Variants in SDS observed in about 807,000 individuals in gnomAD.
SDS encodes serine dehydratase.
Under a neutral mutation model 29.3 loss-of-function variants are expected in SDS, and 19 were observed. That is an observed-to-expected ratio of 0.65 (90% CI 0.45 to 0.95). The LOEUF (loss-of-function observed/expected upper bound fraction) is 0.95. SDS is among the 40% of genes least tolerant of loss of function. The probability of loss-of-function intolerance (pLI) is 0.00; values close to 1 mark genes in which losing one functional copy is unlikely to be tolerated. For synonymous variants in SDS, 176 were observed against 189.0 expected (o/e 0.93, Z 0.56); for missense variants, 375 against 439.9 (o/e 0.85, Z 1.32).
At chr12:113,400,315 G>A (rs1218462799) in intron 1 of SDS, among the ~76,000 whole-genome samples, 1 of 151,246 alleles carries the variant, frequency 6.6e-6, no homozygotes, top group African/African-American at 2.4e-5. Flanking sequence ...AAAAGAAGAA[G>A]AAAGAGAATT....
chr12:113,400,385 A>G (rs920704678), intron 1 of SDS, among the ~76,000 whole-genome samples: 1 of 152,122 alleles, frequency 6.6e-6, no homozygotes, highest in Admixed American at 6.5e-5. Flanking sequence ...AGGGAGGAGC[A>G]TCACTTGAAC....
intron 5 of SDS, among the ~76,000 whole-genome samples, chr12:113,397,672 G>A (rs1957656451): frequency 6.6e-6 from 1 of 152,176 alleles, no homozygotes; most frequent in African/African-American, 2.4e-5. Context: ...CTTCTCCCAG[G>A]GGGCGGGAAA....
chr12:113,396,989 A>T, intron 6 of SDS, 176 bp downstream of exon 6: 1 of 614,866 alleles, frequency 1.6e-6, no homozygotes, highest in South Asian at 1.9e-5. Flanking sequence ...AGTCACACAG[A>T]CTTGGGTTTG....
Position 113,392,889 on chromosome 12 carries a change from C to T in SDS, c.*52G>A. On this transcript the variant is annotated 3_prime_UTR_variant, in exon 8 of 8. Transcript: ENST00000257549. ...CGAGGCGCTGGATAAAACTCCAGCC[C>T]CTCCAGGGGTCTCTTGGGCTAGGAG... is the stretch of plus-strand genomic sequence containing the variant. 6.5e-7 allele frequency: 1 copy of T among 1,547,362 alleles called. No individual in the cohort carries two copies. Among genetic ancestry groups the T allele is most frequent in the Non-Finnish European group, 8.9e-7 (1 of 1,127,328 alleles).
intron 1 of SDS, among the ~76,000 whole-genome samples, chr12:113,402,772 G>T (rs533394452): frequency 7.9e-5 from 12 of 152,268 alleles, no homozygotes; most frequent in African/African-American, 2.9e-4. Flanking sequence ...TCCCTCTGCC[G>T]CGGCTTTCCG....
Position 113,403,555 on chromosome 12 carries a change from G to C in SDS, c.-3+213C>G, listed in dbSNP as rs928998517. Reference sequence around the variant, plus strand: ...AAAAAAATTTTTTTTGTAGAGATTGGGGGGGGTCTCACTCTGTTGCCCAGC... The same window carrying C: ...AAAAAAATTTTTTTTGTAGAGATTGCGGGGGGTCTCACTCTGTTGCCCAGC... On this transcript the variant is annotated intron_variant, in intron 1 of 7. Coordinates refer to ENST00000257549, the MANE Select transcript of SDS (RefSeq NM_006843.3). Among the ~76,000 whole-genome samples, 30 of 152,020 alleles carry C rather than the reference G, an allele frequency of 2.0e-4. 1 individual carries two copies. Among genetic ancestry groups the C allele is most frequent in the African/African-American group, 5.1e-4 (21 of 41,458 alleles).
intron 1 of SDS, among the ~76,000 whole-genome samples, chr12:113,400,474 A>G (rs563348162): frequency 6.4e-4 from 95 of 148,646 alleles, no homozygotes; most frequent in African/African-American, 2.3e-3. Flanking sequence ...CTGTGTCTCA[A>G]AAAAAAAAAA....
At chr12:113,393,196 G>T (rs1333784431) in intron 7 of SDS, 47 bp from the exon 8 acceptor site, 2 of 1,570,322 alleles carry the variant, frequency 1.3e-6, no homozygotes, top group African/African-American at 2.7e-5. Flanking sequence ...GTTTCCCAGG[G>T]TGCACAGGAG....
rs771623291 is a variant in SDS, at chr12:113,397,338, C to T, written c.480G>A (p.Pro160=). 24 of 1,613,574 alleles carry T rather than the reference C, an allele frequency of 1.5e-5. No homozygotes were observed. The highest frequency in any genetic ancestry group is 5.5e-5 in the South Asian group (5 of 91,062). The change falls in exon 6 of 8, where the codon CCG becomes CCA. Residue 160 remains proline, a synonymous_variant. Coordinates refer to ENST00000257549, the MANE Select transcript of SDS (RefSeq NM_006843.3). ...KELKETLWEK[P]GAIALSVGGG... is the part of the protein sequence containing the mutation. ...CGCCCACTGACAGCGCGATGGCCCC[C>T]GGCTTTTCCCACAGTGTCTCCTTCA...
intron 6 of SDS, among the ~76,000 whole-genome samples, chr12:113,394,358 T>C (rs1957632539): frequency 6.6e-6 from 1 of 150,898 alleles, no homozygotes; most frequent in East Asian, 1.9e-4. Flanking sequence ...TTTTTTTTTT[T>C]AGACGGAGTC....
At chr12:113,394,343 G>GTTTTTTTTT (rs565900434) in intron 6 of SDS, among the ~76,000 whole-genome samples, 1 of 132,106 alleles carries the variant, frequency 7.6e-6, no homozygotes, top group African/African-American at 2.9e-5. Flanking sequence ...TTGTTTTTTT[G>GTTTTTTTTT]TTTTTTTTTT....
At chr12:113,398,883 G>T in intron 3 of SDS, 37 bp from the exon 4 acceptor site, 1 of 1,564,720 alleles carries the variant, frequency 6.4e-7, no homozygotes, top group Non-Finnish European at 8.7e-7. Context: ...GTCAGTGCGG[G>T]AGCATCTGGG....
Position 113,398,584 on chromosome 12 carries a change from A to G in SDS, c.356T>C (p.Leu119Pro), listed in dbSNP as rs1332206862. 1 of 1,595,428 alleles carries G rather than the reference A, an allele frequency of 6.3e-7. No individual in the cohort carries two copies. The highest frequency in any genetic ancestry group is 2.2e-5 in the East Asian group (1 of 44,560). ...GTTGTTCTTCGCTAGGGCCTTGGCC[A>G]GCTCGAAGGCTTCATCCAATAACTG... Reference protein sequence around the residue: ...VGELLDEAFELAKALAKNNPG... With the variant: ...VGELLDEAFEPAKALAKNNPG... The change falls in exon 5 of 8, where the codon CTG becomes CCG. Residue 119 changes from leucine to proline, a missense_variant. Coordinates refer to ENST00000257549, the MANE Select transcript of SDS (RefSeq NM_006843.3).
chr12:113,392,966 C>G lies in SDS; in HGVS notation c.962G>C (p.Gly321Ala). Residue 321 changes from glycine to alanine, a missense_variant, in exon 8 of 8, where the codon GGC (glycine) becomes GCC (alanine). Physicochemically the swap from Gly to Ala is moderately conservative, Grantham distance 60. Coordinates refer to ENST00000257549, the MANE Select transcript of SDS (RefSeq NM_006843.3). ...TCACTTGGGCAACCTATTTGTCATG[C>G]CCAGCTGTTCCTTGAGCGCCCGCAG... ...AQLRALKEQL[G>A]MTNRLPK The G allele has an allele frequency of 1.2e-6, 2 of 1,614,130 alleles. No individual in the cohort carries two copies. The highest frequency in any genetic ancestry group is 1.3e-5 in the African/African-American group (1 of 75,066).
intron 1 of SDS, among the ~76,000 whole-genome samples, chr12:113,400,471 TC>T (rs1357888453): frequency 7.8e-4 from 116 of 149,078 alleles, no homozygotes; most frequent in African/African-American, 2.8e-3. Context: ...AGACTGTGTC[TC>T]AAAAAAAAAA....
At chr12:113,398,094 G>A (rs1414271072) in intron 5 of SDS, among the ~76,000 whole-genome samples, 2 of 133,782 alleles carry the variant, frequency 1.5e-5, no homozygotes, top group African/African-American at 5.6e-5. Context: ...TTTTTGAGAT[G>A]GAGTCTCACT....
At chr12:113,393,517 A>G (rs557003553) in intron 7 of SDS, among the ~76,000 whole-genome samples, 71 of 152,260 alleles carry the variant, frequency 4.7e-4, no homozygotes, top group African/African-American at 1.6e-3. Flanking sequence ...CCTGCCCTAG[A>G]CGGAACCCAG....
chr12:113,395,485 G>A (rs1210323238), intron 6 of SDS, among the ~76,000 whole-genome samples: 1 of 152,174 alleles, frequency 6.6e-6, no homozygotes, highest in Non-Finnish European at 1.5e-5. Context: ...ATGGGCACCT[G>A]GTGTAAAGAC....
At chr12:113,403,659 A>G (rs1328092617) in intron 1 of SDS, 109 bp downstream of exon 1, 2 of 152,420 alleles carry the variant, frequency 1.3e-5, no homozygotes, top group Admixed American at 1.3e-4. Flanking sequence ...ATCAGCCACC[A>G]TGCCCAGCCT....
Sources: allele counts gnomAD v4.1 joint callset (sites outside exome capture counted in the v4.1 genomes callset), GRCh38; gene constraint gnomAD v4.1.1; transcripts MANE v1.5; gene names NCBI Gene and HGNC (gene_info 2026-07-23, HGNC 2026-07-21).